Variants in CUL4A observed in about 807,000 individuals in gnomAD.
CUL4A encodes the protein cullin 4A, also known as cullin-4A.
In CUL4A, 16 loss-of-function variants were observed where a neutral mutation model predicts 95.5. The ratio of observed to expected loss-of-function variants is 0.17; its 90% CI spans 0.11 to 0.25. The LOEUF (loss-of-function observed/expected upper bound fraction) is 0.25. Ranked by LOEUF, CUL4A falls within the 10% of genes least tolerant of loss-of-function variation. The pLI is 1.00. For synonymous variants in CUL4A, 380 were observed against 353.1 expected (o/e 1.08, Z -0.85); for missense variants, 610 against 937.0 (o/e 0.65, Z 4.56).
At chr13:113,257,622 A>G (rs1252128786) in intron 18 of CUL4A, among the ~76,000 whole-genome samples, 2 of 152,172 alleles carry the variant, frequency 1.3e-5, no homozygotes, top group Non-Finnish European at 2.9e-5. Flanking sequence ...GGAGGGCCCA[A>G]GCCATTCATG....
chr13:113,244,260 G>A, intron 11 of CUL4A, 150 bp from the exon 12 acceptor site: 1 of 623,112 alleles, frequency 1.6e-6, no homozygotes, highest in Admixed American at 2.9e-5. Context: ...GACTTGAGAA[G>A]TACTTACCTT....
chr13:113,215,783 G>C (rs547343622), intron 2 of CUL4A, among the ~76,000 whole-genome samples: 8 of 85,860 alleles, frequency 9.3e-5, no homozygotes, highest in African/African-American at 2.7e-4. Flanking sequence ...GGTCTCGTCT[G>C]TGTGGCTGTG....
At position 113,233,239 on chromosome 13, in the gene CUL4A, C is replaced by T; in HGVS notation, c.575C>T (p.Thr192Ile). ...IISDKMVQSK[T>I]IDGILLLIER... Reference sequence around the variant, plus strand: ...AGTGATAAAATGGTTCAGAGTAAAACCATTGATGGAATCCTACTGCTGATC... The same window carrying T: ...AGTGATAAAATGGTTCAGAGTAAAATCATTGATGGAATCCTACTGCTGATC... Residue 192 changes from threonine to isoleucine, a missense_variant, in exon 6 of 20, where the codon ACC (threonine) becomes ATC (isoleucine). By Grantham distance (89) the Thr-to-Ile change is moderately conservative. Around this residue, in one of 10 missense-constraint regions of CUL4A, gnomAD observed 97 missense variants for 100.3 expected, o/e 0.97. Coordinates refer to ENST00000375440, the MANE Select transcript of CUL4A (RefSeq NM_001008895.4). The T allele has an allele frequency of 1.2e-6, 2 of 1,614,062 alleles. No homozygotes were observed. Among genetic ancestry groups the T allele is most frequent in the Non-Finnish European group, 1.7e-6 (2 of 1,180,000 alleles).
intron 3 of CUL4A, among the ~76,000 whole-genome samples, chr13:113,224,960 C>T (rs994886594): frequency 2.6e-5 from 4 of 152,198 alleles, no homozygotes; most frequent in Non-Finnish European, 5.9e-5. Context: ...CCTGGAATTG[C>T]AGAAGCAGAT....
At chr13:113,209,323 GC>G (rs1050642244), upstream of CUL4A, among the ~76,000 whole-genome samples, 3 of 145,410 alleles carry the variant, frequency 2.1e-5, no homozygotes, top group Admixed American at 6.7e-5. Context: ...GTCTCGGTGC[GC>G]CCCCCGGAGC....
chr13:113,246,629 G>C (rs1006161928), intron 15 of CUL4A, among the ~76,000 whole-genome samples: 3 of 152,188 alleles, frequency 2.0e-5, no homozygotes, highest in Non-Finnish European at 4.4e-5. Context: ...ATCAAGTAAA[G>C]ATGAATGATG....
intron 9 of CUL4A, among the ~76,000 whole-genome samples, chr13:113,237,886 C>T (rs1198565757): frequency 6.6e-6 from 1 of 152,174 alleles, no homozygotes; most frequent in Admixed American, 6.6e-5. Context: ...CTGTTACAAA[C>T]AACTCCACTT....
chr13:113,247,056 G>A (rs1488807966), intron 15 of CUL4A, among the ~76,000 whole-genome samples: 1 of 152,140 alleles, frequency 6.6e-6, no homozygotes, highest in African/African-American at 2.4e-5. Flanking sequence ...TTTTACTCAA[G>A]GTTGAAGGCA....
chr13:113,209,507 G>A, upstream of CUL4A: 3 of 518,352 alleles, frequency 5.8e-6, no homozygotes, highest in Non-Finnish European at 7.3e-6. Flanking sequence ...TCGGGCACGC[G>A]GGCGGGGCGG....
intron 3 of CUL4A, among the ~76,000 whole-genome samples, chr13:113,220,557 G>A (rs970913583): frequency 1.3e-5 from 2 of 152,220 alleles, no homozygotes; most frequent in African/African-American, 2.4e-5. Flanking sequence ...TGACTCCTAG[G>A]CTTGGGGGAA....
At chr13:113,258,272 T>TGA (rs1410694523) in intron 18 of CUL4A, among the ~76,000 whole-genome samples, 1 of 152,210 alleles carries the variant, frequency 6.6e-6, no homozygotes, top group East Asian at 1.9e-4. Context: ...ATTACAGCCG[T>TGA]GAGCCACCGT....
At chr13:113,227,820 G>A (rs139524901) in intron 3 of CUL4A, among the ~76,000 whole-genome samples, 156 bp from the exon 4 acceptor site, 16 of 151,530 alleles carry the variant, frequency 1.1e-4, no homozygotes, top group Admixed American at 7.2e-4. Context: ...CAGGAGAATC[G>A]CTTGAACCTG....
chr13:113,214,334 T>A (rs1189670418), intron 2 of CUL4A, among the ~76,000 whole-genome samples: 4 of 152,162 alleles, frequency 2.6e-5, no homozygotes, highest in African/African-American at 9.7e-5. Flanking sequence ...CTGTAATAAC[T>A]AACTCCTGAA....
At chr13:113,244,714 G>A (rs573295272) in intron 12 of CUL4A, among the ~76,000 whole-genome samples, 200 bp downstream of exon 12, 40 of 152,198 alleles carry the variant, frequency 2.6e-4, no homozygotes, top group Admixed American at 2.0e-3. Flanking sequence ...GGTGGCAGGC[G>A]CCTGTAGTCC....
At chr13:113,208,460 G>A, upstream of CUL4A, 3 of 1,526,030 alleles carry the variant, frequency 2.0e-6, 1 homozygote, top group South Asian at 3.6e-5. Context: ...CGGCTCGCGC[G>A]GCTGCCCGCC....
At chr13:113,248,581 G>A (rs138249388) in intron 15 of CUL4A, among the ~76,000 whole-genome samples, 12 of 152,036 alleles carry the variant, frequency 7.9e-5, no homozygotes, top group Middle Eastern at 3.4e-3. Flanking sequence ...TTTTTAAAGC[G>A]TGTGGTTCAG....
At chr13:113,239,285 C>G in intron 9 of CUL4A, 148 bp from the exon 10 acceptor site, 1 of 712,370 alleles carries the variant, frequency 1.4e-6, no homozygotes, top group Non-Finnish European at 2.5e-6. Context: ...TTAACCAGAT[C>G]AACCTGCTCA....
At position 113,243,043 on chromosome 13, in the gene CUL4A, A is replaced by G; in HGVS notation, c.1111A>G (p.Lys371Glu). ...CCAAGACCTGTTGGACTTCAAGGAC[A>G]AGGTGGACCACGTGATCGAGGTCTG... ...MVQDLLDFKD[K>E]VDHVIEVCFQ... Residue 371 changes from lysine to glutamate, a missense_variant, in exon 11 of 20, where the codon AAG becomes GAG. Physicochemically the swap from Lys to Glu is moderately conservative, Grantham distance 56. This residue lies in a region of CUL4A where 153 missense variants were observed against 244.5 expected (regional missense o/e 0.63). Transcript: ENST00000375440. 1.2e-6 allele frequency: 2 copies of G among 1,614,210 alleles called. No individual in the cohort carries two copies.
At chr13:113,210,127 C>G in intron 2 of CUL4A, 39 bp downstream of exon 2, 1 of 1,360,070 alleles carries the variant, frequency 7.4e-7, no homozygotes. Context: ...CGCTCCTGCC[C>G]CGCGTGACGC....
Sources: allele counts gnomAD v4.1 joint callset (sites outside exome capture counted in the v4.1 genomes callset), GRCh38; gene constraint gnomAD v4.1.1; regional missense constraint gnomAD v4.1.1; transcripts MANE v1.5; gene names NCBI Gene and HGNC (gene_info 2026-07-23, HGNC 2026-07-21).